REG4: variants seen among roughly 807,000 people sequenced by gnomAD.
REG4 encodes regenerating family member 4.
In REG4, 16 loss-of-function variants were observed where a neutral mutation model predicts 22.3. The observed-to-expected ratio is 0.72, with a 90% CI of 0.49 to 1.09. REG4 has a LOEUF of 1.09. REG4 is among the 50% of genes least tolerant of loss of function. REG4 has a pLI of 0.00. For missense variants in REG4, 214 were observed against 193.9 expected (o/e 1.10, Z -0.61); for synonymous variants, 71 against 69.2 (o/e 1.03, Z -0.13).
At chr1:119,803,470 A>G (rs750086999) in intron 2 of REG4, among the ~76,000 whole-genome samples, 12 of 152,198 alleles carry the variant, frequency 7.9e-5, no homozygotes, top group Admixed American at 1.3e-4. Flanking sequence ...TCAGGTGATC[A>G]ATGGAGTTTT....
At chr1:119,799,567 G>A (rs1281941009) in intron 4 of REG4, among the ~76,000 whole-genome samples, 158 bp downstream of exon 4, 1 of 152,172 alleles carries the variant, frequency 6.6e-6, no homozygotes, top group African/African-American at 2.4e-5. Context: ...GCCAGAACTG[G>A]GCCCCTGACC....
chr1:119,794,173 GAA>G lies in REG4; in HGVS notation c.*443_*444del. ...CTGGTAAACCTTCCCATGGCCAAAG[GAA>G]AAACAAGCAGGAGTTGAGTGGCTGG... On this transcript the variant is annotated 3_prime_UTR_variant, in exon 6 of 6. Coordinates refer to ENST00000256585, the MANE Select transcript of REG4 (RefSeq NM_032044.4). The G allele has an allele frequency of 1.9e-6, 1 of 535,030 alleles. No homozygotes were observed. Among genetic ancestry groups the G allele is most frequent in the Non-Finnish European group, 3.8e-6 (1 of 261,156 alleles). The allele number at this position is 535,030 out of a possible 1,614,324, so 33.1% of individuals were successfully genotyped here. A position where few individuals can be genotyped will look rare whatever the true frequency, so the allele number is the denominator to read the frequency against.
rs1022177132 is a variant in REG4, at chr1:119,803,272, C to T, written c.68-107G>A. ...ACCCCTTGAATGAAGAGAGTCCCTT[C>T]ATGAAGGGTCCTGCTACACTGCCAA... On this transcript the variant is annotated intron_variant, in intron 2 of 5. Transcript: ENST00000256585. 3 of 1,201,790 alleles carry T rather than the reference C, an allele frequency of 2.5e-6. No homozygotes were observed. The African/African-American group carries it at 4.6e-5, about 19-fold the overall frequency. 74.4% of individuals were successfully genotyped at this position (1,201,790 alleles called of 1,614,324 possible). A position where few individuals can be genotyped will look rare whatever the true frequency, so the allele number is the denominator to read the frequency against.
rs587732285 is a variant in REG4 at position 119,801,459 on chromosome 1, G to A, written c.166-1597C>T. 9 of 152,366 alleles carry A rather than the reference G, an allele frequency of 5.9e-5. No homozygotes were observed. In the East Asian group the frequency reaches 1.5e-3, roughly 26 times the overall value. 9.4% of individuals were successfully genotyped at this position (152,366 alleles called of 1,614,324 possible). A position where few individuals can be genotyped will look rare whatever the true frequency, so the allele number is the denominator to read the frequency against. On this transcript the variant is annotated intron_variant, in intron 3 of 5. Transcript: ENST00000256585. ...CAGACGACCAGACAGCATTTATTGAGTGCCCACTCTATACCAGCCACAGAA... is the reference window on the plus strand; with the variant it reads ...CAGACGACCAGACAGCATTTATTGAATGCCCACTCTATACCAGCCACAGAA...
chr1:119,802,744 T>C (rs1375594449), intron 3 of REG4: 1 of 1,446,764 alleles, frequency 6.9e-7, no homozygotes, highest in Non-Finnish European at 9.1e-7. Flanking sequence ...TTTCTGTGAA[T>C]TCCTCATCTT....
At chr1:119,800,233 A>G (rs1168477671) in intron 3 of REG4, among the ~76,000 whole-genome samples, 1 of 152,232 alleles carries the variant, frequency 6.6e-6, no homozygotes, top group East Asian at 1.9e-4. Flanking sequence ...GGCCTATTGT[A>G]TTATAGTACT....
chr1:119,802,689 C>T (rs1316574847), intron 3 of REG4: 2 of 1,423,124 alleles, frequency 1.4e-6, no homozygotes, highest in Non-Finnish European at 1.8e-6. Flanking sequence ...CATGTCTACA[C>T]ACCACTCTCT....
intron 2 of REG4, among the ~76,000 whole-genome samples, chr1:119,803,584 C>T (rs1487104974): frequency 6.6e-6 from 1 of 152,208 alleles, no homozygotes; most frequent in Non-Finnish European, 1.5e-5. Flanking sequence ...AATATACATA[C>T]ATACATAATT....
In REG4 at chr1:119,799,717, G is replaced by C. The variant is rs750037891; in HGVS notation, c.303+8C>G. 3 of 1,612,556 alleles carry C rather than the reference G, an allele frequency of 1.9e-6. No homozygotes were observed. The highest frequency in any genetic ancestry group is 2.5e-6 in the Non-Finnish European group (3 of 1,179,326). On this transcript the variant is annotated splice_region_variant and intron_variant, in intron 4 of 5. Transcript: ENST00000256585. ...CAAGAGGGCCTTTGTGGCCAAGTCTGAGGTTACCTTCTGTGGGTCGTGCAG... is the reference window on the plus strand; with the variant it reads ...CAAGAGGGCCTTTGTGGCCAAGTCTCAGGTTACCTTCTGTGGGTCGTGCAG...
In REG4 at chr1:119,807,989, G is replaced by A. The variant is rs149996501; in HGVS notation, c.67+714C>T. Reference sequence around the variant, plus strand: ...TGTCCAACACCCAGCAAAGCCACATGGGACTGTGAAAGGCACTAGAAGCCC... The same window carrying A: ...TGTCCAACACCCAGCAAAGCCACATAGGACTGTGAAAGGCACTAGAAGCCC... On this transcript the variant is annotated intron_variant, in intron 2 of 5. Transcript: ENST00000256585. Among the ~76,000 whole-genome samples, 464 of 152,290 alleles carry A rather than the reference G, an allele frequency of 3.0e-3. 2 individuals carry two copies. The highest frequency in any genetic ancestry group is 4.9e-3 in the Non-Finnish European group (332 of 68,030).
chr1:119,809,474 T>A (rs587711530), intron 1 of REG4, among the ~76,000 whole-genome samples: 22 of 152,248 alleles, frequency 1.4e-4, no homozygotes, highest in African/African-American at 5.3e-4. Flanking sequence ...TATTAGAAAA[T>A]CAATGCAAAA....
At chr1:119,798,417 G>T (rs192685037) in intron 5 of REG4, 80 bp downstream of exon 5, 112 of 1,078,428 alleles carry the variant, frequency 1.0e-4, no homozygotes, top group Non-Finnish European at 1.4e-4. Flanking sequence ...GTGGTCCCCT[G>T]TGCCTATTTT....
intron 2 of REG4, among the ~76,000 whole-genome samples, chr1:119,806,278 C>T (rs1194593989): frequency 2.6e-5 from 4 of 152,104 alleles, no homozygotes; most frequent in African/African-American, 7.2e-5. Context: ...ACTATGTACC[C>T]GATGCAGGTC....
intron 4 of REG4, among the ~76,000 whole-genome samples, chr1:119,799,164 A>C (rs1365204449): frequency 6.6e-6 from 1 of 152,158 alleles, no homozygotes; most frequent in East Asian, 1.9e-4. Context: ...AGCCCCACCA[A>C]GAATCTGTGA....
Position 119,798,560 on chromosome 1 carries a change from T to C in REG4, c.346A>G (p.Arg116Gly). ...QWIDGAMYLY[R>G]SWSGKSMGGN... Reference sequence around the variant, plus strand: ...CCCATGGACTTGCCAGACCAGGATCTGTACAGATACATGGCCCCATCAATC... The same window carrying C: ...CCCATGGACTTGCCAGACCAGGATCCGTACAGATACATGGCCCCATCAATC... Residue 116 changes from arginine (R) to glycine (G), a missense_variant, in exon 5 of 6, where the codon AGA becomes GGA. Coordinates refer to ENST00000256585, the MANE Select transcript of REG4 (RefSeq NM_032044.4). The C allele has an allele frequency of 6.2e-7, 1 of 1,614,218 alleles. No individual in the cohort carries two copies. Among genetic ancestry groups the C allele is most frequent in the Non-Finnish European group, 8.5e-7 (1 of 1,180,022 alleles).
chr1:119,802,849 T>G, intron 3 of REG4: 2 of 1,542,078 alleles, frequency 1.3e-6, no homozygotes, highest in Non-Finnish European at 1.8e-6. Flanking sequence ...TATGTGCTTG[T>G]AGCCCATCTA....
chr1:119,799,697 G>A (rs1366776806), intron 4 of REG4, 28 bp downstream of exon 4: 1 of 1,606,422 alleles, frequency 6.2e-7, no homozygotes, highest in Admixed American at 1.7e-5. Context: ...TTTCCCAAGA[G>A]GGCCTTTGTG....
chr1:119,808,452 C>T (rs1043747499), intron 2 of REG4, among the ~76,000 whole-genome samples: 2 of 152,240 alleles, frequency 1.3e-5, no homozygotes, highest in African/African-American at 4.8e-5. Flanking sequence ...TCACAATAAA[C>T]TTGCCAAATT....
rs80193950 is a variant in REG4, at chr1:119,801,999, G to A, written c.165+1069C>T. On this transcript the variant is annotated intron_variant, in intron 3 of 5. Coordinates refer to ENST00000256585, the MANE Select transcript of REG4 (RefSeq NM_032044.4). ...GAGGTACCTAGGGAGTGGCAGAGTA[G>A]TGATGTAAACTCAGGTCTCTATTAC... 3 of 152,214 alleles carry A rather than the reference G, an allele frequency of 2.0e-5. No homozygotes were observed. The East Asian group carries it at 5.8e-4, about 29-fold the overall frequency. The allele number at this position is 152,214 out of a possible 1,614,324, so 9.4% of individuals were successfully genotyped here.
Sources: allele counts gnomAD v4.1 joint callset (sites outside exome capture counted in the v4.1 genomes callset), GRCh38; gene constraint gnomAD v4.1.1; transcripts MANE v1.5; gene names NCBI Gene and HGNC (gene_info 2026-07-23, HGNC 2026-07-21).